Variants in ECHDC1 observed in about 807,000 individuals in gnomAD.
ECHDC1 encodes ethylmalonyl-CoA decarboxylase 1.
Under a neutral mutation model 29.7 loss-of-function variants are expected in ECHDC1, and 29 were observed. The observed-to-expected ratio is 0.98, with a 90% CI of 0.73 to 1.33. The LOEUF (loss-of-function observed/expected upper bound fraction) is 1.33. Among genes scored for constraint, ECHDC1 ranks in the 40% most tolerant of loss-of-function variants. The pLI is 0.00. For missense variants in ECHDC1, 328 were observed against 350.0 expected (o/e 0.94, Z 0.50); for synonymous variants, 126 against 123.1 (o/e 1.02, Z -0.15).
intron 5 of ECHDC1, among the ~76,000 whole-genome samples, chr6:127,303,711 G>A (rs759775967): frequency 3.5e-4 from 53 of 152,334 alleles, no homozygotes; most frequent in Non-Finnish European, 6.6e-4. Flanking sequence ...TGATGAAGGT[G>A]GCTACACTAG....
At chr6:127,331,426 G>A (rs1386228493) in intron 1 of ECHDC1, among the ~76,000 whole-genome samples, 3 of 152,140 alleles carry the variant, frequency 2.0e-5, no homozygotes, top group African/African-American at 4.8e-5. Context: ...GATTATAGGC[G>A]TGAGCTGTCC....
chr6:127,322,713 T>C (rs568117993), intron 3 of ECHDC1, among the ~76,000 whole-genome samples: 1 of 151,912 alleles, frequency 6.6e-6, no homozygotes, highest in South Asian at 2.1e-4. Context: ...TCTCTAAATA[T>C]ATAGAAAAAG....
chr6:127,331,796 C>CT lies in ECHDC1; in HGVS notation c.-2-767dup, dbSNP rs1450264818. 3.1e-6 allele frequency: 3 copies of CT among 982,260 alleles called. 1 individual carries two copies. In the African/African-American group the frequency reaches 5.2e-5, roughly 17 times the overall value. 60.8% of individuals were successfully genotyped at this position (982,260 alleles called of 1,614,324 possible). ...AATGCTGCAAGAGCAATCCCACTCT[C>CT]TAACAGAAGTTTTATTCTTAGCATT... is the stretch of plus-strand genomic sequence containing the variant. On this transcript the variant is annotated intron_variant, in intron 1 of 5. Transcript: ENST00000454859.
At chr6:127,335,343 C>T (rs1043311772) in intron 1 of ECHDC1, among the ~76,000 whole-genome samples, 11 of 151,918 alleles carry the variant, frequency 7.2e-5, no homozygotes, top group Non-Finnish European at 1.3e-4. Context: ...TTGAAGATAC[C>T]AAGACCTTTC....
intron 5 of ECHDC1, among the ~76,000 whole-genome samples, chr6:127,314,409 AAATCTCTTTTTATTGGTGAGAAGAC>A (rs1158111669): frequency 6.6e-6 from 1 of 152,130 alleles, no homozygotes; most frequent in East Asian, 1.9e-4. Context: ...GGATCTCAGA[AAATCTCTTTTTATTGGTGAGAAGAC>A]AGCTACAGCA....
At chr6:127,340,057 C>T (rs1231650958) in intron 1 of ECHDC1, among the ~76,000 whole-genome samples, 2 of 152,140 alleles carry the variant, frequency 1.3e-5, no homozygotes, top group African/African-American at 4.8e-5. Context: ...AACATAATCT[C>T]TATTGGATCA....
chr6:127,326,188 G>A (rs1439662804), intron 3 of ECHDC1, among the ~76,000 whole-genome samples: 2 of 152,074 alleles, frequency 1.3e-5, no homozygotes, highest in Admixed American at 6.5e-5. Context: ...GGATCATCGG[G>A]GTGGATTTCC....
At position 127,321,706 on chromosome 6, in the gene ECHDC1, A is replaced by G. The variant is rs150925999; in HGVS notation, c.364-5204T>C. The stretch of plus-strand genomic sequence containing the variant: ...ATCTACCCTATAAAATGCTTTTTCA[A>G]ATAGCTGGACGTCGGGCCAGGTGCA... On this transcript the variant is annotated intron_variant, in intron 3 of 5. Transcript: ENST00000454859. 2.6e-3 allele frequency among the ~76,000 whole-genome samples: 399 copies of G among 152,314 alleles called. 5 individuals are homozygous for G. The Middle Eastern group carries it at 0.027, about 10-fold the overall frequency.
chr6:127,310,838 T>C (rs985859992), intron 5 of ECHDC1, among the ~76,000 whole-genome samples: 24 of 152,210 alleles, frequency 1.6e-4, no homozygotes, highest in African/African-American at 5.3e-4. Context: ...GTTTAAGAAG[T>C]TGTCACATCC....
At chr6:127,294,065 G>GT (rs1323643261) in intron 5 of ECHDC1, among the ~76,000 whole-genome samples, 2 of 152,114 alleles carry the variant, frequency 1.3e-5, no homozygotes, top group Non-Finnish European at 2.9e-5. Flanking sequence ...TAAAAAACAG[G>GT]TAAGACAGTT....
In ECHDC1 at chr6:127,314,908, AG is replaced by A. The variant is rs1224219501; in HGVS notation, c.417-13del. The A allele has an allele frequency of 3.1e-6, 5 of 1,605,908 alleles. No homozygotes were observed. The highest frequency in any genetic ancestry group is 4.3e-6 in the Non-Finnish European group (5 of 1,174,350). The stretch of plus-strand genomic sequence containing the variant: ...TTATTAAAGGAAGTCTGTATATTGA[AG>A]AAAAAACTGATGTTACTATTTTTAA... On this transcript the variant is annotated splice_polypyrimidine_tract_variant and intron_variant, in intron 4 of 5. Coordinates refer to ENST00000454859, the MANE Select transcript of ECHDC1 (RefSeq NM_001002030.2).
chr6:127,333,288 G>A lies in ECHDC1; in HGVS notation c.-2-2258C>T, dbSNP rs193031830. Reference sequence around the variant, plus strand: ...TTATTTAGGAATAATATAGGAGTTAGGTTTACCTGATGTAGTTCCCAGCTT... The same window carrying A: ...TTATTTAGGAATAATATAGGAGTTAAGTTTACCTGATGTAGTTCCCAGCTT... On this transcript the variant is annotated intron_variant, in intron 1 of 5. Coordinates refer to ENST00000454859, the MANE Select transcript of ECHDC1 (RefSeq NM_001002030.2). 2.6e-4 allele frequency among the ~76,000 whole-genome samples: 39 copies of A among 152,226 alleles called. No homozygotes were observed. In the East Asian group the frequency reaches 6.7e-3, roughly 26 times the overall value.
chr6:127,338,598 C>T (rs185871113), intron 1 of ECHDC1, among the ~76,000 whole-genome samples: 16 of 152,196 alleles, frequency 1.1e-4, no homozygotes, highest in African/African-American at 3.9e-4. Context: ...AACATACCAG[C>T]TCTGCTAGGG....
At chr6:127,304,646 C>G (rs1474647134) in intron 5 of ECHDC1, among the ~76,000 whole-genome samples, 1 of 152,008 alleles carries the variant, frequency 6.6e-6, no homozygotes, top group East Asian at 1.9e-4. Flanking sequence ...CAAAGAAATT[C>G]AAGATAACAC....
chr6:127,312,570 T>C (rs923571402), intron 5 of ECHDC1, among the ~76,000 whole-genome samples: 8 of 152,176 alleles, frequency 5.3e-5, no homozygotes, highest in African/African-American at 1.9e-4. Context: ...CCCCAGCAAT[T>C]CCACTCTTAG....
At chr6:127,317,342 T>C (rs530737682) in intron 3 of ECHDC1, among the ~76,000 whole-genome samples, 1 of 152,220 alleles carries the variant, frequency 6.6e-6, no homozygotes, top group Admixed American at 6.5e-5. Context: ...ATTTCTTTTT[T>C]TTGGAAGTCT....
intron 1 of ECHDC1, chr6:127,342,484 C>T: frequency 8.8e-7 from 1 of 1,138,366 alleles, no homozygotes; most frequent in Non-Finnish European, 1.2e-6. Context: ...GAAAGGATCG[C>T]CCGTTCTATT....
At chr6:127,318,331 A>T (rs1782563763) in intron 3 of ECHDC1, among the ~76,000 whole-genome samples, 1 of 152,116 alleles carries the variant, frequency 6.6e-6, no homozygotes, top group Admixed American at 6.5e-5. Flanking sequence ...TTCCATCAAG[A>T]TTTTCTAAAT....
intron 3 of ECHDC1, 127 bp downstream of exon 3, chr6:127,326,875 C>T: frequency 8.6e-7 from 1 of 1,158,230 alleles, no homozygotes; most frequent in South Asian, 1.8e-5. Flanking sequence ...ACAAAACAAA[C>T]CAAAAAATCC....
Sources: gnomAD v4.1 joint callset for allele counts (sites outside exome capture counted in the v4.1 genomes callset) on GRCh38, gnomAD v4.1.1 for gene constraint, MANE v1.5 for transcripts, NCBI Gene and HGNC (gene_info 2026-07-23, HGNC 2026-07-21) for gene names.